Variants in PIK3R1 observed in about 807,000 individuals in gnomAD.
PIK3R1 encodes phosphoinositide-3-kinase regulatory subunit 1, also known as phosphatidylinositol 3-kinase regulatory subunit alpha.
A neutral mutation model predicts 98.0 loss-of-function variants in PIK3R1; 29 were observed. That is an observed-to-expected ratio of 0.30 (90% CI 0.22 to 0.40). The LOEUF is 0.40. Among genes scored for constraint, PIK3R1 ranks in the 10% least tolerant of loss-of-function variants. PIK3R1 has a pLI of 1.00. For synonymous variants in PIK3R1, 282 were observed against 311.8 expected (o/e 0.90, Z 1.01); for missense variants, 596 against 872.7 (o/e 0.68, Z 3.99).
intron 2 of PIK3R1, among the ~76,000 whole-genome samples, chr5:68,231,444 A>G (rs1744471523): frequency 6.6e-6 from 1 of 152,244 alleles, no homozygotes; most frequent in South Asian, 2.1e-4. Context: ...AACAGAAAGA[A>G]AAAGGCCACC....
intron 2 of PIK3R1, among the ~76,000 whole-genome samples, chr5:68,231,058 G>A (rs564628741): frequency 6.6e-6 from 1 of 152,238 alleles, no homozygotes; most frequent in South Asian, 2.1e-4. Flanking sequence ...TGTACACAAC[G>A]AAATGAGTTG....
chr5:68,250,740 T>G (rs1745274141), intron 2 of PIK3R1, among the ~76,000 whole-genome samples: 1 of 152,178 alleles, frequency 6.6e-6, no homozygotes, highest in Admixed American at 6.5e-5. Context: ...AGTTGGAGAC[T>G]TCCTATTATT....
chr5:68,273,886 C>T, intron 3 of PIK3R1, 53 bp from the exon 4 acceptor site: 1 of 1,364,522 alleles, frequency 7.3e-7, no homozygotes, highest in Non-Finnish European at 1.0e-6. Context: ...CTCACAGGTT[C>T]TCCAGAGAGC....
At chr5:68,296,812 A>G (rs7714169) in intron 15 of PIK3R1, among the ~76,000 whole-genome samples, 4,434 of 152,322 alleles carry the variant, frequency 0.029, 225 homozygotes, top group African/African-American at 0.098. Context: ...GATCACTGAC[A>G]TCACCATTTC....
intron 1 of PIK3R1, among the ~76,000 whole-genome samples, chr5:68,223,011 C>T (rs1488511645): frequency 2.0e-5 from 3 of 151,320 alleles, no homozygotes; most frequent in Non-Finnish European, 2.9e-5. Flanking sequence ...CACACACACA[C>T]ATACATATAT....
intron 2 of PIK3R1, among the ~76,000 whole-genome samples, chr5:68,249,386 A>G (rs1745216466): frequency 6.6e-6 from 1 of 152,202 alleles, no homozygotes; most frequent in African/African-American, 2.4e-5. Flanking sequence ...ATATCATGGT[A>G]TCTCTTCTTG....
intron 2 of PIK3R1, among the ~76,000 whole-genome samples, chr5:68,236,576 TG>T (rs1283051407): frequency 6.6e-6 from 1 of 152,210 alleles, no homozygotes; most frequent in Non-Finnish European, 1.5e-5. Flanking sequence ...ATTTAAAAAC[TG>T]AAGGTCATGT....
At chr5:68,226,239 A>G in intron 1 of PIK3R1, 51 bp from the exon 2 acceptor site, 1 of 402,614 alleles carries the variant, frequency 2.5e-6, no homozygotes. Flanking sequence ...CAATTAACAC[A>G]GATGGCAAAG....
rs555137892 is a variant in PIK3R1, at chr5:68,216,560, T to C, written c.-387+611T>C. ...AGTGCGCCTCGGGGCGGTTGGTCGC[T>C]GGGGCCCTAACTCAGCGTTTATTGC... is the stretch of plus-strand genomic sequence containing the variant. On this transcript the variant is annotated intron_variant, in intron 1 of 15. Transcript: ENST00000521381. 2.0e-5 allele frequency among the ~76,000 whole-genome samples: 3 copies of C among 152,240 alleles called. No individual in the cohort carries two copies. In the South Asian group the frequency reaches 6.2e-4, roughly 32 times the overall value.
chr5:68,279,698 C>T lies in PIK3R1; in HGVS notation c.599C>T (p.Ala200Val), dbSNP rs1746742452. 6.2e-7 allele frequency: 1 copy of T among 1,614,142 alleles called. No individual in the cohort carries two copies. Among genetic ancestry groups the T allele is most frequent in the South Asian group, 1.1e-5 (1 of 91,086 alleles). Residue 200 changes from alanine (A) to valine (V), a missense_variant, in exon 5 of 16, where the codon GCA (alanine) becomes GTA (valine). Physicochemically the swap from Ala to Val is moderately conservative, Grantham distance 64 (BLOSUM62 0). Coordinates refer to ENST00000521381, the MANE Select transcript of PIK3R1 (RefSeq NM_181523.3). ...GACTTACCAAATCCTGTCATTCCAG[C>T]AGCCGTTTACAGTGAAATGATTTCT... ...LLDLPNPVIP[A>V]AVYSEMISLA...
In PIK3R1 at chr5:68,280,945, C is replaced by A; in HGVS notation, c.855C>A (p.Asn285Lys). ...FSAASSDNTE[N>K]LIKVIEILIS... ...CTTACAGCTCTGATAATACTGAAAA[C>A]CTCATAAAAGTTATAGAAATTTTAA... Residue 285 changes from asparagine to lysine, a missense_variant, in exon 7 of 16, where the codon AAC becomes AAA. Around this residue, in one of 3 missense-constraint regions of PIK3R1, gnomAD observed 352 missense variants for 393.3 expected, o/e 0.90. Coordinates refer to ENST00000521381, the MANE Select transcript of PIK3R1 (RefSeq NM_181523.3). 1 of 1,598,924 alleles carries A rather than the reference C, an allele frequency of 6.3e-7. No individual in the cohort carries two copies. The highest frequency in any genetic ancestry group is 8.5e-7 in the Non-Finnish European group (1 of 1,170,762).
chr5:68,285,776 G>A (rs116618217), intron 7 of PIK3R1, among the ~76,000 whole-genome samples: 9 of 152,270 alleles, frequency 5.9e-5, no homozygotes, highest in African/African-American at 9.6e-5. Context: ...TTATACATAC[G>A]TAAACCTGGG....
intron 2 of PIK3R1, among the ~76,000 whole-genome samples, chr5:68,246,982 C>T (rs552662772): frequency 1.3e-5 from 2 of 152,250 alleles, no homozygotes; most frequent in South Asian, 4.1e-4. Context: ...CCTAAATTGT[C>T]TTAGCAATAA....
At position 68,235,104 on chromosome 5, in the gene PIK3R1, A is replaced by T. The variant is rs547723432; in HGVS notation, c.334+8095A>T. Among the ~76,000 whole-genome samples the T allele has an allele frequency of 3.9e-5, 6 of 152,184 alleles. No individual in the cohort carries two copies. The South Asian group carries it at 1.0e-3, about 26-fold the overall frequency. On this transcript the variant is annotated intron_variant, in intron 2 of 15. Transcript: ENST00000521381. ...TGATGGCTTTATTTTTATTCTATTT[A>T]AAAAAATAATTTTTGAGGCCAGGTG... is the stretch of plus-strand genomic sequence containing the variant.
intron 2 of PIK3R1, among the ~76,000 whole-genome samples, chr5:68,244,988 A>C (rs748462391): frequency 1.6e-4 from 24 of 152,198 alleles, no homozygotes; most frequent in Non-Finnish European, 2.6e-4. Context: ...GGGTAAAGGC[A>C]CTCATACAGT....
At position 68,288,797 on chromosome 5, in the gene PIK3R1, G is replaced by A. The variant is rs560997703; in HGVS notation, c.917-3462G>A. 10 of 1,589,138 alleles carry A rather than the reference G, an allele frequency of 6.3e-6. No individual in the cohort carries two copies. The African/African-American group carries it at 6.7e-5, about 11-fold the overall frequency. ...GCACTTCTCTGTTCCTTATCTGAGC[G>A]GTGCCTTTCTGTAGTTTGTCTTGGA... On this transcript the variant is annotated intron_variant, in intron 7 of 15. Coordinates refer to ENST00000521381, the MANE Select transcript of PIK3R1 (RefSeq NM_181523.3).
At position 68,292,302 on chromosome 5, in the gene PIK3R1, C is replaced by A; in HGVS notation, c.960C>A (p.Asn320Lys). 1 of 1,613,612 alleles carries A rather than the reference C, an allele frequency of 6.2e-7. No homozygotes were observed. Among genetic ancestry groups the A allele is most frequent in the African/African-American group, 1.3e-5 (1 of 75,010 alleles). ...CAAAACCTACTACTGTAGCCAACAA[C>A]GGTATGAATAACAATATGTCCTTAC... ...KPPKPTTVAN[N>K]GMNNNMSLQD... The change falls in exon 8 of 16, where the codon AAC (asparagine) becomes AAA (lysine). Residue 320 changes from asparagine to lysine, a missense_variant. Around this residue, in one of 3 missense-constraint regions of PIK3R1, gnomAD observed 352 missense variants for 393.3 expected, o/e 0.90. Coordinates refer to ENST00000521381, the MANE Select transcript of PIK3R1 (RefSeq NM_181523.3).
intron 3 of PIK3R1, 141 bp from the exon 4 acceptor site, chr5:68,273,798 A>T: frequency 1.4e-6 from 1 of 708,108 alleles, no homozygotes; most frequent in Non-Finnish European, 2.5e-6. Context: ...GATTAATAGT[A>T]GGAGTTGACT....
intron 1 of PIK3R1, among the ~76,000 whole-genome samples, chr5:68,218,218 A>G (rs1339676185): frequency 6.6e-6 from 1 of 152,204 alleles, no homozygotes; most frequent in Non-Finnish European, 1.5e-5. Context: ...ATAGACAGTG[A>G]TGATGGTGGT....
Sources: gnomAD v4.1 joint callset for allele counts (sites outside exome capture counted in the v4.1 genomes callset) on GRCh38, gnomAD v4.1.1 for gene constraint, gnomAD v4.1.1 regional missense constraint, MANE v1.5 for transcripts, NCBI Gene and HGNC (gene_info 2026-07-23, HGNC 2026-07-21) for gene names.